The following DNM3 variants were observed in gnomAD, a reference collection of about 807,000 sequenced individuals.
DNM3 encodes dynamin-3.
In DNM3, 47 loss-of-function variants were observed where a neutral mutation model predicts 101.6. The ratio of observed to expected loss-of-function variants is 0.46; its 90% CI spans 0.37 to 0.59. The LOEUF (loss-of-function observed/expected upper bound fraction) is 0.59, where lower values mean the gene tolerates loss of function less well. Ranked by LOEUF, DNM3 falls within the 20% of genes least tolerant of loss-of-function variation. The pLI, the probability that DNM3 is intolerant of heterozygous loss-of-function variation, is 0.00. For missense variants in DNM3, 849 were observed against 1,085.7 expected (o/e 0.78, Z 3.06); for synonymous variants, 385 against 387.9 (o/e 0.99, Z 0.09).
chr1:172,054,015 A>T (rs2050393119), intron 10 of DNM3, among the ~76,000 whole-genome samples: 1 of 152,192 alleles, frequency 6.6e-6, no homozygotes. Context: ...CTGGAGTAAT[A>T]GGAGTAAACA....
At chr1:172,384,653 C>T (rs2069093319) in intron 18 of DNM3, among the ~76,000 whole-genome samples, 1 of 152,246 alleles carries the variant, frequency 6.6e-6, no homozygotes, top group African/African-American at 2.4e-5. Context: ...AATGCTGAAA[C>T]AGGCCCTTAT....
chr1:171,862,695 C>G (rs2034305126), intron 1 of DNM3, among the ~76,000 whole-genome samples: 1 of 151,926 alleles, frequency 6.6e-6, no homozygotes, highest in Non-Finnish European at 1.5e-5. Flanking sequence ...AAAAAATCAC[C>G]AAATTATACT....
chr1:172,049,627 T>C (rs750747516), intron 10 of DNM3, among the ~76,000 whole-genome samples: 14 of 152,154 alleles, frequency 9.2e-5, no homozygotes, highest in Non-Finnish European at 1.5e-5. Context: ...TTAGTGATGG[T>C]ATTTACAGTA....
chr1:171,979,779 C>CAAGATGGCATTAATATTAT (rs1453196701), intron 2 of DNM3, among the ~76,000 whole-genome samples: 1 of 152,192 alleles, frequency 6.6e-6, no homozygotes, highest in Non-Finnish European at 1.5e-5. Flanking sequence ...CAGTAAATTT[C>CAAGATGGCATTAATATTAT]AAGATGGCAT....
intron 2 of DNM3, among the ~76,000 whole-genome samples, chr1:171,972,975 T>C (rs1558352279): frequency 6.6e-6 from 1 of 152,232 alleles, no homozygotes; most frequent in Non-Finnish European, 1.5e-5. Flanking sequence ...TCTGTGTATA[T>C]GTAAGTTAGT....
intron 14 of DNM3, among the ~76,000 whole-genome samples, chr1:172,173,423 A>G (rs1016087212): frequency 6.6e-6 from 1 of 151,650 alleles, no homozygotes; most frequent in Admixed American, 6.6e-5. Flanking sequence ...ACTGAGATTT[A>G]CACACATATA....
chr1:172,050,211 C>A (rs1452551046), intron 10 of DNM3, among the ~76,000 whole-genome samples: 1 of 152,184 alleles, frequency 6.6e-6, no homozygotes, highest in African/African-American at 2.4e-5. Flanking sequence ...TGCAACCTAT[C>A]GTGTCCCTTG....
intron 14 of DNM3, among the ~76,000 whole-genome samples, chr1:172,247,618 G>A (rs187247173): frequency 2.3e-4 from 35 of 151,390 alleles, no homozygotes; most frequent in African/African-American, 6.0e-4. Context: ...CGGCTTTTTC[G>A]TATGTTAATA....
At chr1:172,391,090 C>T (rs747086085) in intron 20 of DNM3, among the ~76,000 whole-genome samples, 9 of 152,176 alleles carry the variant, frequency 5.9e-5, no homozygotes, top group Admixed American at 6.5e-5. Flanking sequence ...GGATGGCCGG[C>T]ACATGGGCAG....
intron 2 of DNM3, among the ~76,000 whole-genome samples, chr1:171,961,653 A>G (rs1055220495): frequency 1.3e-5 from 2 of 152,226 alleles, no homozygotes; most frequent in African/African-American, 4.8e-5. Context: ...GTGCCCACCA[A>G]TGTTCACAGC....
At chr1:171,841,878 G>A in intron 1 of DNM3, 61 bp downstream of exon 1, 1 of 1,551,510 alleles carries the variant, frequency 6.4e-7, no homozygotes. Flanking sequence ...GCGGGCCGTT[G>A]GAACGTGGAC....
At chr1:172,032,630 A>G (rs550697586) in intron 5 of DNM3, 130 bp downstream of exon 5, 11 of 499,524 alleles carry the variant, frequency 2.2e-5, no homozygotes, top group Admixed American at 8.1e-5. Context: ...TAAGGAATGG[A>G]TTTATTATTA....
chr1:172,022,797 GAGA>G (rs1467814937), intron 4 of DNM3, among the ~76,000 whole-genome samples: 2 of 151,828 alleles, frequency 1.3e-5, no homozygotes, highest in Non-Finnish European at 2.9e-5. Flanking sequence ...TCTCACTGTA[GAGA>G]AGGAGGATTT....
At chr1:172,238,737 T>G (rs1221364026) in intron 14 of DNM3, among the ~76,000 whole-genome samples, 1 of 151,358 alleles carries the variant, frequency 6.6e-6, no homozygotes, top group Non-Finnish European at 1.5e-5. Context: ...ACCTAGAAAC[T>G]AGGCAGCAGC....
intron 12 of DNM3, among the ~76,000 whole-genome samples, chr1:172,086,623 C>T (rs745741629): frequency 3.3e-5 from 5 of 152,088 alleles, no homozygotes; most frequent in East Asian, 1.9e-4. Flanking sequence ...CTGCATTGGA[C>T]GGCAGAGCCC....
chr1:172,055,866 G>A (rs959903929), intron 10 of DNM3, among the ~76,000 whole-genome samples: 8 of 152,124 alleles, frequency 5.3e-5, no homozygotes, highest in Admixed American at 1.3e-4. Context: ...GAACAGCTTC[G>A]GTCTACAGCT....
intron 17 of DNM3, among the ~76,000 whole-genome samples, chr1:172,357,349 CA>C (rs570646477): frequency 6.6e-4 from 100 of 152,132 alleles, no homozygotes; most frequent in Admixed American, 2.9e-3. Flanking sequence ...CCATCTTAAC[CA>C]AATGATCAAA....
chr1:172,373,605 ACTC>A (rs2068459024), intron 17 of DNM3, among the ~76,000 whole-genome samples: 1 of 152,018 alleles, frequency 6.6e-6, no homozygotes, highest in African/African-American at 2.4e-5. Flanking sequence ...AGCAATCTTG[ACTC>A]TCTTTGTTTT....
chr1:171,856,936 T>C (rs908028014), intron 1 of DNM3, among the ~76,000 whole-genome samples: 1 of 152,200 alleles, frequency 6.6e-6, no homozygotes. Flanking sequence ...TAGTAGAATT[T>C]GAAATGGGCA....
Sources: allele counts gnomAD v4.1 joint callset (sites outside exome capture counted in the v4.1 genomes callset), GRCh38; gene constraint gnomAD v4.1.1; transcripts MANE v1.5; gene names NCBI Gene and HGNC (gene_info 2026-07-23, HGNC 2026-07-21).